KNL1: variants seen among roughly 807,000 people sequenced by gnomAD.
KNL1 encodes kinetochore scaffold 1.
Under a neutral mutation model 201.3 loss-of-function variants are expected in KNL1, and 66 were observed. The ratio of observed to expected loss-of-function variants is 0.33; its 90% CI spans 0.27 to 0.40. The LOEUF is 0.40. Ranked by LOEUF, KNL1 falls within the 10% of genes least tolerant of loss-of-function variation. KNL1 has a pLI of 1.00. For missense variants in KNL1, 2,815 were observed against 2,690.5 expected, an observed-to-expected ratio of 1.05 and a Z score of -1.02; for synonymous variants, 895 against 899.2, an observed-to-expected ratio of 1.00 and a Z score of 0.08.
chr15:40,615,418 C>G (rs754560173), intron 8 of KNL1, 40 bp downstream of exon 8: 15 of 569,558 alleles, frequency 2.6e-5, no homozygotes, highest in Non-Finnish European at 3.0e-5. Flanking sequence ...GTAAGATAGT[C>G]TATTCATCTA....
chr15:40,617,066 A>T (rs1210043392), intron 8 of KNL1, among the ~76,000 whole-genome samples: 4 of 152,184 alleles, frequency 2.6e-5, no homozygotes, highest in Non-Finnish European at 5.9e-5. Context: ...TTCCTGCCTC[A>T]GCCTCCCGAG....
At chr15:40,636,458 T>C (rs539073210) in intron 13 of KNL1, among the ~76,000 whole-genome samples, 5 of 152,330 alleles carry the variant, frequency 3.3e-5, no homozygotes, top group African/African-American at 1.2e-4. Flanking sequence ...TTTAGTATTA[T>C]AGAAAATTTC....
chr15:40,620,858 A>G lies in KNL1; in HGVS notation c.594A>G (p.Glu198=). Residue 198 remains glutamate (E), a synonymous_variant, in exon 10 of 26, where the codon GAA becomes GAG. Transcript: ENST00000399668. ...CCGAGGACTCAAGAATGAAAAAAGAAGTAAATTTTTCCGTGGATCAAAACA... is the reference window on the plus strand; with the variant it reads ...CCGAGGACTCAAGAATGAAAAAAGAGGTAAATTTTTCCGTGGATCAAAACA... ...LHTEDSRMKK[E]VNFSVDQNTS... is the part of the protein sequence containing the mutation. The G allele has an allele frequency of 6.3e-7, 1 of 1,595,498 alleles. No individual in the cohort carries two copies. The highest frequency in any genetic ancestry group is 8.5e-7 in the Non-Finnish European group (1 of 1,174,354).
chr15:40,625,289 A>C lies in KNL1; in HGVS notation c.5025A>C (p.Pro1675=). The C allele has an allele frequency of 6.2e-7, 1 of 1,614,158 alleles. No homozygotes were observed. Among genetic ancestry groups the C allele is most frequent in the Non-Finnish European group, 8.5e-7 (1 of 1,180,002 alleles). The change falls in exon 10 of 26, where the codon CCA becomes CCC. Residue 1675 remains proline, a synonymous_variant. Transcript: ENST00000399668. The stretch of plus-strand genomic sequence containing the variant: ...GTATTGATGACCTGGAACAGATTCC[A>C]GCAGACACAACTGATATAAATCACT... The part of the protein sequence containing the change: ...VTGIDDLEQI[P]ADTTDINHLE...
In KNL1 at chr15:40,663,566, A is replaced by G. The variant is rs1480527574; in HGVS notation, c.*1378A>G. On this transcript the variant is annotated 3_prime_UTR_variant, in exon 26 of 26. Transcript: ENST00000399668. ...ACAGCAAAATTTTCTATTTTCTTTT[A>G]TTAAATAGTGACACGTCAAACAATG... is the stretch of plus-strand genomic sequence containing the variant. 5.2e-6 allele frequency: 1 copy of G among 191,168 alleles called. No individual in the cohort carries two copies. The highest frequency in any genetic ancestry group is 2.3e-5 in the African/African-American group (1 of 43,028). 11.8% of individuals were successfully genotyped at this position (191,168 alleles called of 1,614,324 possible).
Position 40,650,548 on chromosome 15 carries a change from G to A in KNL1, c.6177G>A (p.Leu2059=), listed in dbSNP as rs769659660. The part of the protein sequence containing the change: ...DSEMRAAEKE[L]EQLKTEEEEL... ...TTTTTTTTTCTGTTTCCAAAGAATT[G>A]GAACAGCTGAAAACTGAAGAAGAGG... The change falls in exon 19 of 26, where the codon TTG becomes TTA. Residue 2059 remains leucine, a synonymous_variant. Coordinates refer to ENST00000399668, the MANE Select transcript of KNL1 (RefSeq NM_144508.5). 3.3e-6 allele frequency: 5 copies of A among 1,534,776 alleles called. No homozygotes were observed. The South Asian group carries it at 6.2e-5, about 19-fold the overall frequency.
At chr15:40,629,495 CTTTTTTTTTTTTTTTT>C in intron 13 of KNL1, 124 bp downstream of exon 13, 2 of 178,720 alleles carry the variant, frequency 1.1e-5, no homozygotes, top group East Asian at 6.0e-4. Context: ...TTTGCCTTTT[CTTTTTTTTTTTTTTTT>C]TTTTTTTTTT....
chr15:40,613,670 G>A (rs1892246514), intron 7 of KNL1, among the ~76,000 whole-genome samples: 1 of 152,122 alleles, frequency 6.6e-6, no homozygotes, highest in Admixed American at 6.5e-5. Flanking sequence ...ATAATGGCAT[G>A]ATCTTGGCTC....
chr15:40,602,359 ATC>A, intron 1 of KNL1, among the ~76,000 whole-genome samples: 1 of 140,686 alleles, frequency 7.1e-6, no homozygotes, highest in Middle Eastern at 4.8e-3. Context: ...GATGGTCTCG[ATC>A]TCCTGACCTT....
In KNL1 at chr15:40,602,899, T is replaced by G; in HGVS notation, c.-17-16T>G. The G allele has an allele frequency of 7.1e-7, 1 of 1,403,000 alleles. No individual in the cohort carries two copies. The highest frequency in any genetic ancestry group is 1.8e-5 in the Admixed American group (1 of 56,394). 86.9% of individuals were successfully genotyped at this position (1,403,000 alleles called of 1,614,324 possible). A position where few individuals can be genotyped will look rare whatever the true frequency, so the allele number is the denominator to read the frequency against. Reference sequence around the variant, plus strand: ...CCTTTTTCCTCATGTTTTCTAATATTGTATATTTGTTACAGAAAAGTTTTC... The same window carrying G: ...CCTTTTTCCTCATGTTTTCTAATATGGTATATTTGTTACAGAAAAGTTTTC... On this transcript the variant is annotated splice_polypyrimidine_tract_variant and intron_variant, in intron 1 of 25. Transcript: ENST00000399668.
intron 25 of KNL1, among the ~76,000 whole-genome samples, chr15:40,660,406 C>G (rs983006411): frequency 2.0e-5 from 3 of 152,032 alleles, no homozygotes; most frequent in African/African-American, 7.2e-5. Context: ...GTTGCTCACA[C>G]CTGTAATCCC....
intron 24 of KNL1, among the ~76,000 whole-genome samples, chr15:40,658,898 C>T (rs1189366558): frequency 6.7e-6 from 1 of 149,172 alleles, no homozygotes; most frequent in Non-Finnish European, 1.5e-5. Flanking sequence ...CCACTGCACT[C>T]CAGCCTGGGT....
At position 40,650,321 on chromosome 15, in the gene KNL1, G is replaced by A. The variant is rs1303644114; in HGVS notation, c.6115G>A (p.Glu2039Lys). Reference sequence around the variant, plus strand: ...TTTAGAAACTAAGAATTTGGAGGATGAAGAGAAAAACAATCCTGTGGAAGA... The same window carrying A: ...TTTAGAAACTAAGAATTTGGAGGATAAAGAGAAAAACAATCCTGTGGAAGA... ...METETKNLED[E>K]EKNNPVEEWD... Residue 2039 changes from glutamate (E) to lysine (K), a missense_variant, in exon 18 of 26, where the codon GAA becomes AAA. Glu to Lys is a moderately conservative substitution (Grantham distance 56). Around this residue, in one of 3 missense-constraint regions of KNL1, gnomAD observed 334 missense variants for 362.6 expected, o/e 0.92. Transcript: ENST00000399668. 1 of 1,610,392 alleles carries A rather than the reference G, an allele frequency of 6.2e-7. No individual in the cohort carries two copies. The highest frequency in any genetic ancestry group is 1.7e-5 in the Admixed American group (1 of 59,938).
Position 40,622,228 on chromosome 15 carries a change from A to G in KNL1, c.1964A>G (p.Asp655Gly). Residue 655 changes from aspartate (D) to glycine (G), a missense_variant, in exon 10 of 26, where the codon GAT becomes GGT. Coordinates refer to ENST00000399668, the MANE Select transcript of KNL1 (RefSeq NM_144508.5). ...VLKILPYLDK[D>G]SPQSADCNQE... Reference sequence around the variant, plus strand: ...AAGATTTTGCCCTACCTTGATAAAGATTCTCCTCAGTCAGCTGATTGTAAT... The same window carrying G: ...AAGATTTTGCCCTACCTTGATAAAGGTTCTCCTCAGTCAGCTGATTGTAAT... 6.2e-7 allele frequency: 1 copy of G among 1,614,086 alleles called. No homozygotes were observed. Among genetic ancestry groups the G allele is most frequent in the South Asian group, 1.1e-5 (1 of 91,078 alleles).
chr15:40,606,554 A>G (rs766132649), intron 4 of KNL1, 102 bp downstream of exon 4: 30 of 671,148 alleles, frequency 4.5e-5, no homozygotes, highest in Non-Finnish European at 8.1e-5. Context: ...TAAGCATCCC[A>G]TGAGTTTCCA....
rs1193959466 is a variant in KNL1 at position 40,624,410 on chromosome 15, T to C, written c.4146T>C (p.Val1382=). 1 of 1,614,032 alleles carries C rather than the reference T, an allele frequency of 6.2e-7. No individual in the cohort carries two copies. Among genetic ancestry groups the C allele is most frequent in the Non-Finnish European group, 8.5e-7 (1 of 1,179,940 alleles). The change falls in exon 10 of 26, where the codon GTT becomes GTC. Residue 1382 remains valine (V), a synonymous_variant. Coordinates refer to ENST00000399668, the MANE Select transcript of KNL1 (RefSeq NM_144508.5). ...QTSTKGQLDC[V]ITLHKDQDLI... ...GTACCAAAGGACAGTTAGACTGTGT[T>C]ATAACACTGCACAAAGATCAAGATC... is the stretch of plus-strand genomic sequence containing the variant.
At chr15:40,625,709 G>A (rs1020468551) in intron 10 of KNL1, 69 bp downstream of exon 10, 3 of 1,235,284 alleles carry the variant, frequency 2.4e-6, no homozygotes, top group East Asian at 2.4e-5. Flanking sequence ...TAAATTGTGG[G>A]TATTCTCAAA....
At position 40,624,846 on chromosome 15, in the gene KNL1, G is replaced by T. The variant is rs529552166; in HGVS notation, c.4582G>T (p.Val1528Leu). The T allele has an allele frequency of 1.2e-6, 2 of 1,612,608 alleles. No homozygotes were observed. Among genetic ancestry groups the T allele is most frequent in the African/African-American group, 1.3e-5 (1 of 74,874 alleles). The change falls in exon 10 of 26, where the codon GTA (valine) becomes TTA (leucine). Residue 1528 changes from valine (V) to leucine (L), a missense_variant. Around this residue, in one of 3 missense-constraint regions of KNL1, gnomAD observed 2,464 missense variants for 2,291.7 expected, o/e 1.08. Transcript: ENST00000399668. ...TALDFHSNSDVTKQVIQTHVN... is the reference protein window; with the variant it reads ...TALDFHSNSDLTKQVIQTHVN... ...TCTAGATTTCCACAGTAACTCAGACGTAACTAAGCAAGTCATTCAAACTCA... is the reference window on the plus strand; with the variant it reads ...TCTAGATTTCCACAGTAACTCAGACTTAACTAAGCAAGTCATTCAAACTCA...
intron 14 of KNL1, 62 bp downstream of exon 14, chr15:40,641,089 G>T (rs974265958): frequency 1.8e-6 from 2 of 1,140,808 alleles, no homozygotes; most frequent in Non-Finnish European, 2.6e-6. Context: ...AATAGTTTGT[G>T]TGGTAAGGTT....
Sources: allele counts gnomAD v4.1 joint callset (sites outside exome capture counted in the v4.1 genomes callset), GRCh38; gene constraint gnomAD v4.1.1; regional missense constraint gnomAD v4.1.1; transcripts MANE v1.5; gene names NCBI Gene and HGNC (gene_info 2026-07-23, HGNC 2026-07-21).